PRKDC: variants seen among roughly 807,000 people sequenced by gnomAD.
The protein encoded by PRKDC is protein kinase, DNA-activated, catalytic subunit.
A neutral mutation model predicts 486.9 loss-of-function variants in PRKDC; 82 were observed. The ratio of observed to expected loss-of-function variants is 0.17; its 90% CI spans 0.14 to 0.20. The LOEUF is 0.20. Among genes scored for constraint, PRKDC ranks in the 10% least tolerant of loss-of-function variants. The pLI is 1.00. For missense variants in PRKDC, 4,504 were observed against 5,038.2 expected (o/e 0.89, Z 3.21); for synonymous variants, 1,895 against 1,837.0 (o/e 1.03, Z -0.81).
intron 9 of PRKDC, 133 bp downstream of exon 9, chr8:47,943,720 C>A: frequency 1.2e-6 from 1 of 840,714 alleles, no homozygotes; most frequent in East Asian, 2.7e-5. Context: ...CGAAAGCCTC[C>A]CTGTAAATAA....
chr8:47,885,100 T>C (rs2089298478), intron 36 of PRKDC, among the ~76,000 whole-genome samples: 1 of 152,234 alleles, frequency 6.6e-6, no homozygotes, highest in Admixed American at 6.5e-5. Context: ...TTGCAAAGCA[T>C]AAGGGAATAG....
In PRKDC at chr8:47,825,215, G is replaced by A. The variant is rs189094624; in HGVS notation, c.8784-1219C>T. On this transcript the variant is annotated intron_variant, in intron 63 of 85. Transcript: ENST00000314191. Reference sequence around the variant, plus strand: ...CCTGGATTATGTTCACTATAACATGGTTAGAACAATGGCCATGACATATCA... The same window carrying A: ...CCTGGATTATGTTCACTATAACATGATTAGAACAATGGCCATGACATATCA... 4.0e-3 allele frequency among the ~76,000 whole-genome samples: 605 copies of A among 152,166 alleles called. 4 individuals carry two copies. Among genetic ancestry groups the A allele is most frequent in the South Asian group, 0.025 (121 of 4,818 alleles).
intron 68 of PRKDC, among the ~76,000 whole-genome samples, chr8:47,815,952 G>A (rs968403395): frequency 5.9e-5 from 9 of 152,204 alleles, no homozygotes; most frequent in African/African-American, 2.2e-4. Context: ...AGTAATGCCT[G>A]TAATCCCATT....
At chr8:47,828,876 T>C (rs745986789) in intron 61 of PRKDC, among the ~76,000 whole-genome samples, 22 of 152,236 alleles carry the variant, frequency 1.4e-4, no homozygotes, top group Non-Finnish European at 2.6e-4. Context: ...CTTTAAACTA[T>C]TGAAACCATC....
At chr8:47,804,413 C>T (rs1396483333) in intron 69 of PRKDC, among the ~76,000 whole-genome samples, 1 of 151,770 alleles carries the variant, frequency 6.6e-6, no homozygotes, top group Non-Finnish European at 1.5e-5. Flanking sequence ...AATTCTCCTG[C>T]CTCAGTCTCC....
chr8:47,840,566 T>C (rs2088117281), intron 54 of PRKDC, among the ~76,000 whole-genome samples: 1 of 152,216 alleles, frequency 6.6e-6, no homozygotes, highest in Non-Finnish European at 1.5e-5. Context: ...GTACTATCTT[T>C]CAACTTTTCT....
At position 47,886,050 on chromosome 8, in the gene PRKDC, T is replaced by A; in HGVS notation, c.4670A>T (p.Glu1557Val). The A allele has an allele frequency of 6.2e-7, 1 of 1,613,760 alleles. No individual in the cohort carries two copies. The highest frequency in any genetic ancestry group is 8.5e-7 in the Non-Finnish European group (1 of 1,179,884). The part of the protein sequence containing the change: ...QGSVIHFSHG[E>V]YFYSLFSETI... ...TTCTGAGAACAAGCTATAGAAATAC[T>A]CCCCATGGGAGAAGTGGATGACGCT... The change falls in exon 36 of 86, where the codon GAG becomes GTG. Residue 1557 changes from glutamate to valine, a missense_variant. Around this residue, in one of 6 missense-constraint regions of PRKDC, gnomAD observed 1,969 missense variants for 2,068.9 expected, o/e 0.95. Transcript: ENST00000314191.
chr8:47,846,583 T>C (rs909508295), intron 54 of PRKDC, among the ~76,000 whole-genome samples: 2 of 152,134 alleles, frequency 1.3e-5, no homozygotes, highest in African/African-American at 4.8e-5. Context: ...GCATTCCCCT[T>C]GAAAACTGGA....
intron 52 of PRKDC, among the ~76,000 whole-genome samples, chr8:47,851,168 A>G (rs2088394488): frequency 6.6e-6 from 1 of 152,218 alleles, no homozygotes; most frequent in African/African-American, 2.4e-5. Context: ...AATCCGTATC[A>G]CTTTTATATT....
At chr8:47,855,779 G>A (rs2088524936) in intron 49 of PRKDC, among the ~76,000 whole-genome samples, 1 of 152,176 alleles carries the variant, frequency 6.6e-6, no homozygotes, top group South Asian at 2.1e-4. Context: ...CTATAAAACT[G>A]CAGAGCCTCC....
At position 47,930,632 on chromosome 8, in the gene PRKDC, A is replaced by T. The variant is rs1195983575; in HGVS notation, c.1892+40T>A. 3.2e-5 allele frequency: 49 copies of T among 1,512,190 alleles called. 1 individual carries two copies. Among genetic ancestry groups the T allele is most frequent in the Non-Finnish European group, 4.4e-5 (49 of 1,119,912 alleles). 93.7% of individuals were successfully genotyped at this position (1,512,190 alleles called of 1,614,324 possible). A position where few individuals can be genotyped will look rare whatever the true frequency, so the allele number is the denominator to read the frequency against. On this transcript the variant is annotated intron_variant, in intron 17 of 85. Coordinates refer to ENST00000314191, the MANE Select transcript of PRKDC (RefSeq NM_006904.7). ...CCTATATTACAGCCAATAACTAACA[A>T]TCATTTTCATTCTTAAATAATTAGA... is the stretch of plus-strand genomic sequence containing the variant.
intron 74 of PRKDC, among the ~76,000 whole-genome samples, chr8:47,790,133 A>C (rs1251121284): frequency 6.6e-6 from 1 of 152,230 alleles, no homozygotes; most frequent in African/African-American, 2.4e-5. Context: ...CCTTGCTTGC[A>C]GATGATACGA....
intron 30 of PRKDC, among the ~76,000 whole-genome samples, chr8:47,895,605 A>G (rs2089560159): frequency 6.6e-6 from 1 of 152,142 alleles, no homozygotes; most frequent in Admixed American, 6.5e-5. Flanking sequence ...GGTTTCTACT[A>G]AATATAGGAA....
chr8:47,927,381 T>G lies in PRKDC; in HGVS notation c.2260-28A>C, dbSNP rs763395748. On this transcript the variant is annotated intron_variant, in intron 20 of 85. Transcript: ENST00000314191. ...GTATGTTAATACAAACAAGTTAAAC[T>G]GAAACGCAGGAAATATAAGATTTAG... The G allele has an allele frequency of 2.5e-6, 4 of 1,583,066 alleles. No homozygotes were observed. The South Asian group carries it at 3.5e-5, about 14-fold the overall frequency.
At chr8:47,902,079 C>CAG (rs2089695128) in intron 27 of PRKDC, among the ~76,000 whole-genome samples, 1 of 152,188 alleles carries the variant, frequency 6.6e-6, no homozygotes, top group Admixed American at 6.5e-5. Context: ...CTACAGCAAG[C>CAG]AGAGCCCTCC....
intron 69 of PRKDC, among the ~76,000 whole-genome samples, chr8:47,806,310 C>T (rs2087214621): frequency 6.6e-6 from 1 of 152,208 alleles, no homozygotes; most frequent in Admixed American, 6.5e-5. Flanking sequence ...TCCCCATGAC[C>T]CCAACTCCCT....
At chr8:47,872,413 A>AC (rs1349944541) in intron 40 of PRKDC, among the ~76,000 whole-genome samples, 1 of 152,030 alleles carries the variant, frequency 6.6e-6, no homozygotes, top group Non-Finnish European at 1.5e-5. Context: ...AACAAATGGT[A>AC]GAAGTCCACA....
At chr8:47,939,041 A>C (rs1258720627) in intron 11 of PRKDC, among the ~76,000 whole-genome samples, 1 of 152,160 alleles carries the variant, frequency 6.6e-6, no homozygotes, top group African/African-American at 2.4e-5. Flanking sequence ...TGGTTCTGTC[A>C]ATTCTGAGTC....
In PRKDC at chr8:47,839,227, C is replaced by G. The variant is rs2088091052; in HGVS notation, c.7474G>C (p.Asp2492His). The part of the protein sequence containing the change: ...DNYRDPESET[D>H]NDSQEIFKLA... ...TTAAATATTTCCTGGGAGTCATTAT[C>G]TGTCTCACTTTCTGGATCTCTGCTT... is the stretch of plus-strand genomic sequence containing the variant. The change falls in exon 56 of 86, where the codon GAT becomes CAT. Residue 2492 changes from aspartate to histidine, a missense_variant. By Grantham distance (81) the Asp-to-His change is moderately conservative (BLOSUM62 -1). Transcript: ENST00000314191. 1 of 1,613,332 alleles carries G rather than the reference C, an allele frequency of 6.2e-7. No individual in the cohort carries two copies. The highest frequency in any genetic ancestry group is 8.5e-7 in the Non-Finnish European group (1 of 1,179,450).
Sources: gnomAD v4.1 joint callset for allele counts (sites outside exome capture counted in the v4.1 genomes callset) on GRCh38, gnomAD v4.1.1 for gene constraint, gnomAD v4.1.1 regional missense constraint, MANE v1.5 for transcripts, NCBI Gene and HGNC (gene_info 2026-07-23, HGNC 2026-07-21) for gene names.